Variants in ZDHHC11B observed in about 807,000 individuals in gnomAD.
ZDHHC11B encodes zDHHC palmitoyltransferase 11B (putative).
ZDHHC11B carries 17 observed loss-of-function variants against 42.3 expected under a neutral mutation model. That is an observed-to-expected ratio of 0.40 (90% CI 0.27 to 0.60). The LOEUF (loss-of-function observed/expected upper bound fraction) is 0.60, where lower values mean the gene tolerates loss of function less well. Ranked by LOEUF, ZDHHC11B falls within the 20% of genes least tolerant of loss-of-function variation. The pLI, the probability that ZDHHC11B is intolerant of heterozygous loss-of-function variation, is 0.41. For missense variants in ZDHHC11B, 262 were observed against 463.2 expected, an observed-to-expected ratio of 0.57 and a Z score of 3.99; for synonymous variants, 123 against 193.5, an observed-to-expected ratio of 0.64 and a Z score of 3.02.
At chr5:741,381 T>G (rs1430745170) in intron 10 of ZDHHC11B, among the ~76,000 whole-genome samples, 2 of 148,506 alleles carry the variant, frequency 1.3e-5, no homozygotes, top group Non-Finnish European at 3.0e-5. Context: ...GAGTGAAGAA[T>G]GTAGTTTCTG....
chr5:743,196 C>T (rs1744361240), intron 9 of ZDHHC11B, among the ~76,000 whole-genome samples: 1 of 148,990 alleles, frequency 6.7e-6, no homozygotes, highest in South Asian at 2.3e-4. Flanking sequence ...TAACTTTGGA[C>T]CTTTCTTCTG....
At chr5:769,733 A>G (rs1272080771) in intron 1 of ZDHHC11B, among the ~76,000 whole-genome samples, 2 of 152,004 alleles carry the variant, frequency 1.3e-5, no homozygotes, top group Non-Finnish European at 2.9e-5. Flanking sequence ...ATCCTTCAAC[A>G]CTGTCCTGGA....
rs1277007234 is a variant in ZDHHC11B, at chr5:752,698, C to A, written c.504-1441G>T. Among the ~76,000 whole-genome samples the A allele has an allele frequency of 7.4e-5, 7 of 95,130 alleles. 1 individual carries two copies. Among genetic ancestry groups the A allele is most frequent in the African/African-American group, 2.1e-4 (7 of 34,062 alleles). The allele number at this position is 95,130 out of a possible 152,430, so 62.4% of individuals were successfully genotyped here. A position where few individuals can be genotyped will look rare whatever the true frequency, so the allele number is the denominator to read the frequency against. On this transcript the variant is annotated intron_variant, in intron 6 of 13. Transcript: ENST00000508859. ...TGGATAATCCAGGGGTGAGGGGTGGCTCCGGGCGTGAGCGGCTCCCTGACT... is the reference window on the plus strand; with the variant it reads ...TGGATAATCCAGGGGTGAGGGGTGGATCCGGGCGTGAGCGGCTCCCTGACT...
chr5:757,363 G>T (rs563742154), intron 4 of ZDHHC11B, among the ~76,000 whole-genome samples: 2 of 151,970 alleles, frequency 1.3e-5, no homozygotes, highest in Non-Finnish European at 2.9e-5. Flanking sequence ...AGGGATTTTA[G>T]CAGAAGGCTG....
At chr5:759,231 G>C (rs1282008529) in intron 4 of ZDHHC11B, among the ~76,000 whole-genome samples, 2 of 151,802 alleles carry the variant, frequency 1.3e-5, no homozygotes, top group Admixed American at 6.6e-5. Context: ...AATAAACGGC[G>C]CCGCAGCGCC....
intron 10 of ZDHHC11B, among the ~76,000 whole-genome samples, chr5:739,458 A>G (rs1743920262): frequency 6.6e-6 from 1 of 151,164 alleles, no homozygotes; most frequent in South Asian, 2.1e-4. Flanking sequence ...GGCAACATTC[A>G]TGAAGAGACA....
intron 7 of ZDHHC11B, among the ~76,000 whole-genome samples, chr5:748,950 ACAGTGCCTACCCCTTCCTAAGTGCTG>A (rs2127077274): frequency 3.1e-5 from 3 of 95,752 alleles, no homozygotes; most frequent in Admixed American, 1.3e-4. Context: ...TGCCGGGGTC[ACAGTGCCTACCCCTTCCTAAGTGCTG>A]GGGTCACAGC....
Position 784,722 on chromosome 5 carries a change from C to T in ZDHHC11B, c.-284G>A, listed in dbSNP as rs1214636871. Among the ~76,000 whole-genome samples, 1 of 149,788 alleles carries T rather than the reference C, an allele frequency of 6.7e-6. No individual in the cohort carries two copies. The highest frequency in any genetic ancestry group is 1.5e-5 in the Non-Finnish European group (1 of 67,064). On this transcript the variant is annotated 5_prime_UTR_variant, in exon 1 of 14. Transcript: ENST00000508859. ...TCCCCCGCGACCCGGCCGCGCGCGA[C>T]CAAGTGCTCAGCGCAGCGCTCCCCC...
At chr5:746,620 T>C (rs1458150438) in intron 8 of ZDHHC11B, among the ~76,000 whole-genome samples, 1 of 148,084 alleles carries the variant, frequency 6.8e-6, no homozygotes, top group Non-Finnish European at 1.5e-5. Context: ...CCCACTGCAC[T>C]TCCCTGCTCT....
At chr5:714,448 C>T (rs1188881362) in intron 13 of ZDHHC11B, among the ~76,000 whole-genome samples, 2 of 142,874 alleles carry the variant, frequency 1.4e-5, no homozygotes, top group Admixed American at 7.0e-5. Flanking sequence ...AACTCTAAGA[C>T]GTTATCACAG....
intron 4 of ZDHHC11B, among the ~76,000 whole-genome samples, chr5:757,281 T>TAG (rs1733990753): frequency 2.0e-5 from 3 of 152,004 alleles, no homozygotes; most frequent in Admixed American, 6.6e-5. Flanking sequence ...TGCCGGCCTG[T>TAG]GTCGCACAGC....
At chr5:714,305 G>A (rs1298074488) in intron 13 of ZDHHC11B, among the ~76,000 whole-genome samples, 2 of 141,534 alleles carry the variant, frequency 1.4e-5, no homozygotes, top group Non-Finnish European at 3.0e-5. Flanking sequence ...CTGGGATTAT[G>A]TAAAAATCAG....
chr5:713,805 T>C (rs55927414), intron 13 of ZDHHC11B, among the ~76,000 whole-genome samples: 14,003 of 145,078 alleles, frequency 0.097, 230 homozygotes, highest in Non-Finnish European at 0.15. Context: ...AGTGAGTTGC[T>C]TCTAGTTTGC....
intron 1 of ZDHHC11B, among the ~76,000 whole-genome samples, chr5:773,790 G>A (rs1736246340): frequency 6.6e-6 from 1 of 151,750 alleles, no homozygotes; most frequent in Non-Finnish European, 1.5e-5. Context: ...AACCCCCAGG[G>A]CCAGGACCTG....
At chr5:765,649 C>G (rs1320873684) in intron 4 of ZDHHC11B, among the ~76,000 whole-genome samples, 3 of 151,880 alleles carry the variant, frequency 2.0e-5, no homozygotes, top group Non-Finnish European at 4.4e-5. Context: ...TTGCTCTTTG[C>G]AATACATCTT....
chr5:724,229 A>G (rs420864), intron 12 of ZDHHC11B, among the ~76,000 whole-genome samples: 129,513 of 145,976 alleles, frequency 0.89, 57,486 homozygotes, highest in African/African-American at 0.96. Context: ...ATTTTGAGAC[A>G]TAGTCTCACT....
rs1167185888 is a variant in ZDHHC11B at position 767,389 on chromosome 5, T to G, written c.-1+3A>C. The G allele has an allele frequency of 1.3e-6, 2 of 1,557,860 alleles. No homozygotes were observed. The highest frequency in any genetic ancestry group is 1.4e-5 in the African/African-American group (1 of 73,222). Reference sequence around the variant, plus strand: ...CCAAGGGCTCCCCGGGGCCAACACCTGCCTCGGCGCACACTGCACGCCTGT... The same window carrying G: ...CCAAGGGCTCCCCGGGGCCAACACCGGCCTCGGCGCACACTGCACGCCTGT... On this transcript the variant is annotated splice_donor_region_variant and intron_variant, in intron 3 of 13. Coordinates refer to ENST00000508859, the MANE Select transcript of ZDHHC11B (RefSeq NM_001351303.2).
At chr5:757,613 C>T (rs142621078) in intron 4 of ZDHHC11B, among the ~76,000 whole-genome samples, 1,789 of 151,896 alleles carry the variant, frequency 0.012, 47 homozygotes, top group Non-Finnish European at 0.019. Flanking sequence ...AAGCTGGTTC[C>T]GACTGAAATG....
chr5:729,390 G>A (rs1199614353), intron 12 of ZDHHC11B, among the ~76,000 whole-genome samples: 13 of 151,142 alleles, frequency 8.6e-5, no homozygotes, highest in African/African-American at 1.9e-4. Context: ...CAGAGAGCAC[G>A]GGGCTGTTCT....
Sources: gnomAD v4.1 joint callset for allele counts (sites outside exome capture counted in the v4.1 genomes callset) on GRCh38, gnomAD v4.1.1 for gene constraint, MANE v1.5 for transcripts, NCBI Gene and HGNC (gene_info 2026-07-23, HGNC 2026-07-21) for gene names.